Variants in KIAA1549L observed in about 807,000 individuals in gnomAD.
The protein encoded by KIAA1549L is UPF0606 protein KIAA1549L.
Under a neutral mutation model 160.7 loss-of-function variants are expected in KIAA1549L, and 88 were observed. The observed-to-expected ratio is 0.55, with a 90% CI of 0.46 to 0.65. The LOEUF (loss-of-function observed/expected upper bound fraction) is 0.65, where lower values mean the gene tolerates loss of function less well. Ranked by LOEUF, KIAA1549L falls within the 30% of genes least tolerant of loss-of-function variation. The pLI, the probability that KIAA1549L is intolerant of heterozygous loss-of-function variation, is 0.00. For synonymous variants in KIAA1549L, 950 were observed against 976.7 expected (o/e 0.97, Z 0.51); for missense variants, 2,258 against 2,437.5 (o/e 0.93, Z 1.55).
chr11:33,650,662 C>T (rs1851857935), intron 17 of KIAA1549L, among the ~76,000 whole-genome samples: 1 of 152,110 alleles, frequency 6.6e-6, no homozygotes, highest in African/African-American at 2.4e-5. Context: ...CAGATTCTTC[C>T]CTTCCTTCCT....
chr11:33,568,184 G>A lies in KIAA1549L; in HGVS notation c.4187G>A (p.Arg1396Gln), dbSNP rs375291367. ...TTCATGATGTCCCAGCAACAAGGCCGGCGGTTTAAACGGGCCACCACCCTG... is the reference window on the plus strand; with the variant it reads ...TTCATGATGTCCCAGCAACAAGGCCAGCGGTTTAAACGGGCCACCACCCTG... ...QLFMMSQQQGRRFKRATTLGS... is the reference protein window; with the variant it reads ...QLFMMSQQQGQRFKRATTLGS... The change falls in exon 9 of 21, where the codon CGG (arginine) becomes CAG (glutamine). Residue 1396 changes from arginine (R) to glutamine (Q), a missense_variant. By Grantham distance (43) the Arg-to-Gln change is conservative. Transcript: ENST00000658780. 1.4e-5 allele frequency: 23 copies of A among 1,613,552 alleles called. No homozygotes were observed. Among genetic ancestry groups the A allele is most frequent in the Admixed American group, 5.0e-5 (3 of 59,966 alleles).
chr11:33,466,020 T>C (rs192969560), intron 1 of KIAA1549L, among the ~76,000 whole-genome samples: 30 of 152,352 alleles, frequency 2.0e-4, no homozygotes, highest in African/African-American at 7.0e-4. Flanking sequence ...CATGCCTTAT[T>C]ATAGAACAAA....
At chr11:33,531,165 A>G (rs1484884725) in intron 1 of KIAA1549L, among the ~76,000 whole-genome samples, 3 of 152,182 alleles carry the variant, frequency 2.0e-5, no homozygotes, top group African/African-American at 7.2e-5. Flanking sequence ...GTGAAATTCT[A>G]TTACTTTTAA....
chr11:33,671,920 G>A lies in KIAA1549L; in HGVS notation c.*3766G>A, dbSNP rs368776409. On this transcript the variant is annotated 3_prime_UTR_variant, in exon 21 of 21. Coordinates refer to ENST00000658780, the MANE Select transcript of KIAA1549L (RefSeq NM_012194.3). The stretch of plus-strand genomic sequence containing the variant: ...ACATCCAAATACTCTTAAGGAAAGA[G>A]TGTCATTTAGCTTGGAGTAGGGACT... The A allele has an allele frequency of 5.9e-5, 9 of 152,306 alleles. No homozygotes were observed. Among genetic ancestry groups the A allele is most frequent in the African/African-American group, 2.2e-4 (9 of 41,572 alleles). The allele number at this position is 152,306 out of a possible 1,614,324, so 9.4% of individuals were successfully genotyped here.
At chr11:33,447,062 CAGGGATCTTCTTGTGGCAGCACAGTCT>C (rs1851626084) in intron 1 of KIAA1549L, among the ~76,000 whole-genome samples, 1 of 152,166 alleles carries the variant, frequency 6.6e-6, no homozygotes, top group African/African-American at 2.4e-5. Flanking sequence ...AGATTTACCA[CAGGGATCTTCTTGTGGCAGCACAGTCT>C]TGTCAAGAAA....
chr11:33,552,084 A>G (rs778590767), intron 5 of KIAA1549L, 24 bp from the exon 6 acceptor site: 29 of 1,613,208 alleles, frequency 1.8e-5, no homozygotes, highest in Middle Eastern at 3.3e-4. Context: ...TTTAGTGAGC[A>G]CTGATTGACT....
chr11:33,496,206 C>G (rs567920623), intron 1 of KIAA1549L, among the ~76,000 whole-genome samples: 42 of 152,134 alleles, frequency 2.8e-4, no homozygotes, highest in Non-Finnish European at 4.9e-4. Flanking sequence ...TCAGGTGATC[C>G]ACCTGCCTCG....
At chr11:33,620,022 TA>T (rs1310995827) in intron 16 of KIAA1549L, among the ~76,000 whole-genome samples, 1 of 150,026 alleles carries the variant, frequency 6.7e-6, no homozygotes, top group Non-Finnish European at 1.5e-5. Flanking sequence ...AGATTGGCAT[TA>T]ATAGGGTTTT....
At chr11:33,579,517 T>C (rs1330606026) in intron 10 of KIAA1549L, among the ~76,000 whole-genome samples, 1 of 152,140 alleles carries the variant, frequency 6.6e-6, no homozygotes, top group Non-Finnish European at 1.5e-5. Context: ...ATTTCTCTCC[T>C]GTAGTCCTCT....
At chr11:33,606,962 C>T in intron 14 of KIAA1549L, 140 bp downstream of exon 14, 1 of 650,948 alleles carries the variant, frequency 1.5e-6, no homozygotes, top group Non-Finnish European at 2.5e-6. Flanking sequence ...TGTACCAGGC[C>T]TCTGCAGAAT....
At position 33,572,965 on chromosome 11, in the gene KIAA1549L, T is replaced by C. The variant is rs560111627; in HGVS notation, c.4231-1737T>C. ...ACTTCCTCATCAACACTTGGTGTTG[T>C]CAGTTCTTACTTTAGCCGTGCTGGT... On this transcript the variant is annotated intron_variant, in intron 9 of 20. Coordinates refer to ENST00000658780, the MANE Select transcript of KIAA1549L (RefSeq NM_012194.3). Among the ~76,000 whole-genome samples, 3 of 152,350 alleles carry C rather than the reference T, an allele frequency of 2.0e-5. No homozygotes were observed. The East Asian group carries it at 5.8e-4, about 29-fold the overall frequency.
At chr11:33,528,224 A>ATT (rs1457681512) in intron 1 of KIAA1549L, among the ~76,000 whole-genome samples, 1 of 152,198 alleles carries the variant, frequency 6.6e-6, no homozygotes. Context: ...AACTATGAAA[A>ATT]AATGCTCAAG....
chr11:33,519,297 A>G lies in KIAA1549L; in HGVS notation c.239-22505A>G, dbSNP rs561508971. ...GAGAGTAGATTTTAAGGAAGACTCT[A>G]TAATAGAAATGTTGATTTCTATATG... On this transcript the variant is annotated intron_variant, in intron 1 of 20. Transcript: ENST00000658780. Among the ~76,000 whole-genome samples the G allele has an allele frequency of 3.9e-5, 6 of 152,344 alleles. No homozygotes were observed. In the South Asian group the frequency reaches 1.0e-3, roughly 26 times the overall value.
intron 15 of KIAA1549L, among the ~76,000 whole-genome samples, chr11:33,613,047 A>G (rs1850688282): frequency 6.6e-6 from 1 of 152,116 alleles, no homozygotes; most frequent in Non-Finnish European, 1.5e-5. Context: ...GCAATTGTGA[A>G]CAGTGCAGCA....
intron 19 of KIAA1549L, among the ~76,000 whole-genome samples, chr11:33,659,479 G>T (rs10768017): frequency 0.38 from 57,986 of 152,040 alleles, 11,311 homozygotes; most frequent in East Asian, 0.52. Context: ...CCACAGTTTA[G>T]ACTTTTCCCT....
chr11:33,412,566 T>C (rs1270309909), intron 1 of KIAA1549L, among the ~76,000 whole-genome samples: 1 of 152,172 alleles, frequency 6.6e-6, no homozygotes, highest in African/African-American at 2.4e-5. Context: ...AGTGATAGCA[T>C]AGTAGAGTCT....
chr11:33,387,298 C>T (rs192379350), intron 1 of KIAA1549L, among the ~76,000 whole-genome samples: 187 of 152,020 alleles, frequency 1.2e-3, no homozygotes, highest in African/African-American at 4.3e-3. Context: ...CTCATTCTCT[C>T]TCTCTTTATT....
At chr11:33,537,476 G>A (rs1305247825) in intron 1 of KIAA1549L, among the ~76,000 whole-genome samples, 1 of 152,162 alleles carries the variant, frequency 6.6e-6, no homozygotes, top group Non-Finnish European at 1.5e-5. Flanking sequence ...GGAAGGAAAG[G>A]TGAGATGAGA....
intron 1 of KIAA1549L, among the ~76,000 whole-genome samples, chr11:33,405,055 G>A (rs60058543): frequency 0.1 from 15,095 of 148,964 alleles, 1,512 homozygotes; most frequent in East Asian, 0.23. Flanking sequence ...AAAAAAGTCA[G>A]ATAAAATAAC....
Sources: gnomAD v4.1 joint callset for allele counts (sites outside exome capture counted in the v4.1 genomes callset) on GRCh38, gnomAD v4.1.1 for gene constraint, MANE v1.5 for transcripts, NCBI Gene and HGNC (gene_info 2026-07-23, HGNC 2026-07-21) for gene names.